FAM163B: variants seen among roughly 807,000 people sequenced by gnomAD.
FAM163B encodes the protein protein FAM163B.
In FAM163B, 4 loss-of-function variants were observed where a neutral mutation model predicts 7.6. The ratio of observed to expected loss-of-function variants is 0.52; its 90% confidence interval spans 0.26 to 1.20. The LOEUF (loss-of-function observed/expected upper bound fraction) is 1.20. FAM163B is among the 50% of genes most tolerant of loss of function. The pLI, the probability that FAM163B is intolerant of heterozygous loss-of-function variation, is 0.14. For missense variants in FAM163B, 250 were observed against 243.0 expected (o/e 1.03, Z -0.19); for synonymous variants, 120 against 111.6 (o/e 1.07, Z -0.47).
chr9:133,581,458 A>G (rs1302697605), intron 1 of FAM163B, among the ~76,000 whole-genome samples: 1 of 152,064 alleles, frequency 6.6e-6, no homozygotes, highest in African/African-American at 2.4e-5. Flanking sequence ...CTTTACCCAT[A>G]AATACTCCAG....
intron 1 of FAM163B, among the ~76,000 whole-genome samples, chr9:133,582,231 C>T (rs1301449182): frequency 1.3e-5 from 2 of 152,204 alleles, no homozygotes; most frequent in African/African-American, 2.4e-5. Context: ...GCAGGCCCCG[C>T]GTGCCTACTG....
chr9:133,589,087 A>C (rs1166375152), intron 1 of FAM163B, among the ~76,000 whole-genome samples: 1 of 152,072 alleles, frequency 6.6e-6, no homozygotes, highest in Non-Finnish European at 1.5e-5. Flanking sequence ...GCTCAGCAAT[A>C]CCCCCGGAAA....
intron 1 of FAM163B, among the ~76,000 whole-genome samples, chr9:133,593,138 T>C (rs1831579849): frequency 6.6e-6 from 1 of 152,198 alleles, no homozygotes; most frequent in Non-Finnish European, 1.5e-5. Context: ...TGGGACCTGA[T>C]GAAGGTTTCC....
In FAM163B at chr9:133,601,365, T is replaced by A. The variant is rs1831727201; in HGVS notation, c.-24+7712A>T. Among the ~76,000 whole-genome samples the A allele has an allele frequency of 2.0e-5, 3 of 152,242 alleles. No individual in the cohort carries two copies. The South Asian group carries it at 6.2e-4, about 31-fold the overall frequency. On this transcript the variant is annotated intron_variant, in intron 1 of 2. Coordinates refer to ENST00000673969, the MANE Select transcript of FAM163B (RefSeq NM_001080515.3). This position sits in a 1 kb window ranked among gnomAD's most constrained non-coding sequence, Gnocchi z 4.1. Reference sequence around the variant, plus strand: ...ACATTAATTCTCCTTTTTAAATAGATTGGGCTCAGCCATTTTTAAACGAGT... The same window carrying A: ...ACATTAATTCTCCTTTTTAAATAGAATGGGCTCAGCCATTTTTAAACGAGT...
chr9:133,602,926 G>A (rs530247417), intron 1 of FAM163B, among the ~76,000 whole-genome samples: 8 of 152,274 alleles, frequency 5.3e-5, no homozygotes, highest in South Asian at 2.1e-4. Context: ...GTTTTGAACC[G>A]TTGAGAAGGG....
intron 1 of FAM163B, among the ~76,000 whole-genome samples, chr9:133,589,981 A>G (rs1831512890): frequency 6.6e-6 from 1 of 151,678 alleles, no homozygotes; most frequent in African/African-American, 2.4e-5. Context: ...GTCTCCCTTA[A>G]AAATACCAAT....
chr9:133,602,086 C>T (rs1347609542), intron 1 of FAM163B, among the ~76,000 whole-genome samples: 2 of 151,734 alleles, frequency 1.3e-5, no homozygotes, highest in African/African-American at 4.8e-5. Flanking sequence ...CCCGCCCCCC[C>T]AAACACACAC....
Position 133,579,324 on chromosome 9 carries a change from T to G in FAM163B, c.199A>C (p.Thr67Pro), listed in dbSNP as rs1181439823. 13 of 1,613,550 alleles carry G rather than the reference T, an allele frequency of 8.1e-6. No individual in the cohort carries two copies. The highest frequency in any genetic ancestry group is 5.1e-6 in the Non-Finnish European group (6 of 1,179,952). ...PLHSNRNLVL[T>P]NGPALYPTAS... ...GTGGGGTAGAGCGCCGGCCCGTTGGTCAGCACCAGGTTGCGGTTGGAGTGC... is the reference window on the plus strand; with the variant it reads ...GTGGGGTAGAGCGCCGGCCCGTTGGGCAGCACCAGGTTGCGGTTGGAGTGC... Residue 67 changes from threonine (T) to proline (P), a missense_variant, in exon 3 of 3, where the codon ACC becomes CCC. Thr to Pro is a conservative substitution (Grantham distance 38). Transcript: ENST00000673969.
At position 133,578,766 on chromosome 9, in the gene FAM163B, A is replaced by C; in HGVS notation, c.*256T>G. Reference sequence around the variant, plus strand: ...TGCCTGAGAGCCCTGGTGCATGCCCAGCCGGCTGTATGGTCACCTGGTCCT... The same window carrying C: ...TGCCTGAGAGCCCTGGTGCATGCCCCGCCGGCTGTATGGTCACCTGGTCCT... On this transcript the variant is annotated 3_prime_UTR_variant, in exon 3 of 3. Coordinates refer to ENST00000673969, the MANE Select transcript of FAM163B (RefSeq NM_001080515.3). 1.8e-6 allele frequency: 1 copy of C among 556,312 alleles called. No individual in the cohort carries two copies. Among genetic ancestry groups the C allele is most frequent in the Non-Finnish European group, 2.9e-6 (1 of 346,246 alleles). 34.5% of individuals were successfully genotyped at this position (556,312 alleles called of 1,614,324 possible). A position where few individuals can be genotyped will look rare whatever the true frequency, so the allele number is the denominator to read the frequency against.
chr9:133,592,294 C>G (rs1421165463), intron 1 of FAM163B, among the ~76,000 whole-genome samples: 1 of 152,158 alleles, frequency 6.6e-6, no homozygotes, highest in Non-Finnish European at 1.5e-5. Context: ...ACAGGAATCA[C>G]GACTGCAACT....
chr9:133,597,743 G>T (rs111968949), intron 1 of FAM163B, among the ~76,000 whole-genome samples: 1 of 152,082 alleles, frequency 6.6e-6, no homozygotes, highest in South Asian at 2.1e-4. Flanking sequence ...AGAGCCAAGG[G>T]CTGCATGACC....
intron 1 of FAM163B, among the ~76,000 whole-genome samples, chr9:133,593,159 C>T (rs1004038343): frequency 2.0e-5 from 3 of 152,210 alleles, no homozygotes; most frequent in Non-Finnish European, 4.4e-5. Context: ...CCCCCTGTAT[C>T]GCTGTGCCCA....
At position 133,580,266 on chromosome 9, in the gene FAM163B, CT is replaced by C; in HGVS notation, c.-23-21del. 1 of 1,544,860 alleles carries C rather than the reference CT, an allele frequency of 6.5e-7. No homozygotes were observed. On this transcript the variant is annotated intron_variant, in intron 1 of 2. Coordinates refer to ENST00000673969, the MANE Select transcript of FAM163B (RefSeq NM_001080515.3). ...AACAGCCTGCAACACACGCCGCCAG[CT>C]TTAGAGCATCACGCTTCCTCACCAC...
intron 1 of FAM163B, among the ~76,000 whole-genome samples, chr9:133,597,683 A>T (rs983591574): frequency 1.3e-5 from 2 of 152,210 alleles, no homozygotes; most frequent in East Asian, 3.8e-4. Flanking sequence ...ACCAGGGAAC[A>T]TTATAATCAA....
At chr9:133,584,259 A>G (rs1175331431) in intron 1 of FAM163B, among the ~76,000 whole-genome samples, 1 of 151,910 alleles carries the variant, frequency 6.6e-6, no homozygotes, top group African/African-American at 2.4e-5. Context: ...CTCCCTGGGG[A>G]CCCCAGGACT....
intron 1 of FAM163B, among the ~76,000 whole-genome samples, chr9:133,590,085 C>T (rs1248064020): frequency 2.8e-4 from 11 of 39,892 alleles, no homozygotes; most frequent in African/African-American, 7.9e-4. Flanking sequence ...TCCCCTTCCC[C>T]TTCCCTTCCC....
At position 133,579,070 on chromosome 9, in the gene FAM163B, G is replaced by A. The variant is rs1322092308; in HGVS notation, c.453C>T (p.Ala151=). The A allele has an allele frequency of 6.3e-7, 1 of 1,591,278 alleles. No individual in the cohort carries two copies. The highest frequency in any genetic ancestry group is 8.5e-7 in the Non-Finnish European group (1 of 1,172,052). The change falls in exon 3 of 3, where the codon GCC becomes GCT. Residue 151 remains alanine (A), a synonymous_variant. Transcript: ENST00000673969. ...LQALNPNRLS[A]MREAFARSRS... ...GGCTCCTGGCGAAGGCCTCCCGCAT[G>A]GCTGAGAGGCGGTTGGGGTTGAGCG...
Position 133,608,403 on chromosome 9 carries a change from TAG to T in FAM163B, c.-24+672_-24+673del, listed in dbSNP as rs534161123. 1.2e-3 allele frequency among the ~76,000 whole-genome samples: 187 copies of T among 152,288 alleles called. 1 individual carries two copies. The highest frequency in any genetic ancestry group is 3.4e-3 in the Middle Eastern group (1 of 294). On this transcript the variant is annotated intron_variant, in intron 1 of 2. Transcript: ENST00000673969. Reference sequence around the variant, plus strand: ...GAATATCTCTTGGGTTTTTGGTGTGTAGAGTCTTTTCTTTTCTGGCTGAGGAA... The same window carrying T: ...GAATATCTCTTGGGTTTTTGGTGTGTAGTCTTTTCTTTTCTGGCTGAGGAA...
intron 1 of FAM163B, among the ~76,000 whole-genome samples, chr9:133,594,317 A>C (rs562040607): frequency 6.6e-6 from 1 of 152,206 alleles, no homozygotes; most frequent in Non-Finnish European, 1.5e-5. Context: ...TTCTGGCCTC[A>C]CCTGCACTGC....
Sources: gnomAD v4.1 joint callset for allele counts (sites outside exome capture counted in the v4.1 genomes callset) on GRCh38, gnomAD v4.1.1 for gene constraint, Gnocchi (gnomAD v3.1) non-coding constraint, MANE v1.5 for transcripts, NCBI Gene and HGNC (gene_info 2026-07-23, HGNC 2026-07-21) for gene names.